Variants in SLC37A3 observed in about 807,000 individuals in gnomAD.
SLC37A3 encodes the protein solute carrier family 37 member 3.
A neutral mutation model predicts 67.1 loss-of-function variants in SLC37A3; 51 were observed. That is an observed-to-expected ratio of 0.76 (90% confidence interval 0.61 to 0.96). The LOEUF is 0.96. SLC37A3 is among the 40% of genes least tolerant of loss of function. The pLI, the probability that SLC37A3 is intolerant of heterozygous loss-of-function variation, is 0.00. For missense variants in SLC37A3, 508 were observed against 603.0 expected (o/e 0.84, Z 1.65); for synonymous variants, 214 against 231.4 (o/e 0.92, Z 0.68).
intron 4 of SLC37A3, among the ~76,000 whole-genome samples, chr7:140,365,320 C>G (rs147115737): frequency 7.6e-4 from 116 of 152,166 alleles, no homozygotes; most frequent in African/African-American, 2.8e-3. Context: ...CTTGGCTGGG[C>G]GTGGTGTCTC....
rs543060638 is a variant in SLC37A3, at chr7:140,386,260, G to A, written c.-70-3664C>T. On this transcript the variant is annotated intron_variant, in intron 1 of 14. Coordinates refer to ENST00000326232, the MANE Select transcript of SLC37A3 (RefSeq NM_207113.3). ...TATTTTTTGTATTTATGTTAAGTCA[G>A]GGTTTTGCCATGTTGTCCAGGCTGG... Among the ~76,000 whole-genome samples the A allele has an allele frequency of 2.2e-3, 341 of 152,054 alleles. 2 individuals are homozygous for A. The highest frequency in any genetic ancestry group is 7.8e-3 in the African/African-American group (322 of 41,484).
intron 1 of SLC37A3, among the ~76,000 whole-genome samples, chr7:140,387,792 T>A (rs1284397437): frequency 1.5e-5 from 1 of 66,940 alleles, no homozygotes; most frequent in Non-Finnish European, 2.5e-5. Flanking sequence ...TATAAATATA[T>A]TATATATATT....
chr7:140,347,246 C>A, intron 10 of SLC37A3, among the ~76,000 whole-genome samples: 1 of 133,960 alleles, frequency 7.5e-6, no homozygotes, highest in African/African-American at 3.2e-5. Context: ...ACCCCCATCT[C>A]CAAAAAAAAA....
chr7:140,378,504 G>A (rs1349008058), intron 3 of SLC37A3, among the ~76,000 whole-genome samples: 5 of 152,076 alleles, frequency 3.3e-5, no homozygotes, highest in African/African-American at 9.7e-5. Flanking sequence ...TTGGGAAGCC[G>A]AGGCAGGAGG....
chr7:140,373,888 G>A (rs1162775210), intron 3 of SLC37A3, among the ~76,000 whole-genome samples: 2 of 151,918 alleles, frequency 1.3e-5, no homozygotes, highest in Admixed American at 6.6e-5. Context: ...CAGACACGAA[G>A]TGATGTGCAA....
intron 1 of SLC37A3, 76 bp downstream of exon 1, chr7:140,398,340 G>A (rs776134901): frequency 6.6e-6 from 1 of 152,108 alleles, no homozygotes. Context: ...CCGCCCTCCC[G>A]ACCCGGGAAG....
At chr7:140,357,910 CAA>C (rs34778426) in intron 6 of SLC37A3, among the ~76,000 whole-genome samples, 101 of 132,440 alleles carry the variant, frequency 7.6e-4, no homozygotes, top group Non-Finnish European at 7.9e-4. Flanking sequence ...AACTCCATCT[CAA>C]AAAAAAAAAA....
rs559591975 is a variant in SLC37A3, at chr7:140,375,006, T to C, written c.198+5276A>G. On this transcript the variant is annotated intron_variant, in intron 3 of 14. Transcript: ENST00000326232. ...ACTAAAAATACAAAAATTAGCCAGGTGTGGTGGCACGCACCTATGGTCCCA... is the reference window on the plus strand; with the variant it reads ...ACTAAAAATACAAAAATTAGCCAGGCGTGGTGGCACGCACCTATGGTCCCA... Among the ~76,000 whole-genome samples the C allele has an allele frequency of 2.7e-5, 4 of 150,410 alleles. 1 individual carries two copies. Among genetic ancestry groups the C allele is most frequent in the African/African-American group, 9.8e-5 (4 of 40,872 alleles).
chr7:140,380,234 G>T, intron 3 of SLC37A3, 48 bp downstream of exon 3: 1 of 1,143,768 alleles, frequency 8.7e-7, no homozygotes, highest in Non-Finnish European at 1.3e-6. Flanking sequence ...ATCTAGGGGT[G>T]GGCACGGTCT....
intron 12 of SLC37A3, among the ~76,000 whole-genome samples, chr7:140,344,415 C>T (rs543588494): frequency 3.3e-5 from 5 of 151,668 alleles, no homozygotes; most frequent in Admixed American, 6.6e-5. Context: ...GTGACAAGAG[C>T]GAGACTCCTT....
chr7:140,343,631 A>T lies in SLC37A3; in HGVS notation c.1175-68T>A, dbSNP rs552732607. 10 of 1,496,762 alleles carry T rather than the reference A, an allele frequency of 6.7e-6. No individual in the cohort carries two copies. In the African/African-American group the frequency reaches 1.4e-4, roughly 21 times the overall value. 92.7% of individuals were successfully genotyped at this position (1,496,762 alleles called of 1,614,324 possible). On this transcript the variant is annotated intron_variant, in intron 12 of 14. Transcript: ENST00000326232. ...CACTAGCAATCTACTGCATAAGGCA[A>T]AATAATATCCGAATAGTTTTCTTAA... is the stretch of plus-strand genomic sequence containing the variant.
rs1443236339 is a variant in SLC37A3 at position 140,387,754 on chromosome 7, TAA to T, written c.-70-5160_-70-5159del. On this transcript the variant is annotated intron_variant, in intron 1 of 14. Coordinates refer to ENST00000326232, the MANE Select transcript of SLC37A3 (RefSeq NM_207113.3). ...AAATATACTATATATTATATAAATATAAATATATTATATATATTATACATAAA... is the reference window on the plus strand; with the variant it reads ...AAATATACTATATATTATATAAATATATATATTATATATATTATACATAAA... Among the ~76,000 whole-genome samples, 299 of 84,054 alleles carry T rather than the reference TAA, an allele frequency of 3.6e-3. 4 individuals carry two copies. The highest frequency in any genetic ancestry group is 0.017 in the East Asian group (46 of 2,702). The allele number at this position is 84,054 out of a possible 152,430, so 55.1% of individuals were successfully genotyped here.
intron 4 of SLC37A3, among the ~76,000 whole-genome samples, chr7:140,369,260 C>T (rs560020163): frequency 2.6e-5 from 4 of 152,248 alleles, no homozygotes; most frequent in African/African-American, 7.2e-5. Flanking sequence ...TATTTTCCTC[C>T]GTTGTACTTA....
intron 6 of SLC37A3, among the ~76,000 whole-genome samples, chr7:140,357,663 T>C (rs957320054): frequency 3.3e-5 from 5 of 151,806 alleles, no homozygotes; most frequent in Non-Finnish European, 5.9e-5. Context: ...ATGCCTGTAA[T>C]CCCAGCACTT....
At chr7:140,350,736 C>A (rs1340777033) in intron 9 of SLC37A3, among the ~76,000 whole-genome samples, 1 of 151,910 alleles carries the variant, frequency 6.6e-6, no homozygotes, top group East Asian at 1.9e-4. Context: ...TGCACTCCAG[C>A]CTGGGTGACA....
At chr7:140,395,326 G>A (rs1212434802) in intron 1 of SLC37A3, among the ~76,000 whole-genome samples, 1 of 135,758 alleles carries the variant, frequency 7.4e-6, no homozygotes, top group Middle Eastern at 4.3e-3. Context: ...AGTGAGCTGA[G>A]ATGGTGCCAC....
At chr7:140,351,575 C>A (rs905945754) in intron 8 of SLC37A3, 124 bp from the exon 9 acceptor site, 1 of 999,108 alleles carries the variant, frequency 1.0e-6, no homozygotes, top group Non-Finnish European at 1.5e-6. Context: ...CAACGAAGGT[C>A]CAGAGACCGA....
At chr7:140,337,845 T>G (rs77054226) in intron 13 of SLC37A3, 7,688 of 152,440 alleles carry the variant, frequency 0.05, 213 homozygotes, top group Non-Finnish European at 0.071. Flanking sequence ...TTTTCTTTTT[T>G]TCTCTTATTA....
intron 6 of SLC37A3, among the ~76,000 whole-genome samples, chr7:140,357,082 C>T (rs899802595): frequency 4.6e-5 from 7 of 151,562 alleles, no homozygotes; most frequent in Admixed American, 1.3e-4. Context: ...GGCATGGTGG[C>T]GGGCCCCTGT....
Sources: gnomAD v4.1 joint callset for allele counts (sites outside exome capture counted in the v4.1 genomes callset) on GRCh38, gnomAD v4.1.1 for gene constraint, MANE v1.5 for transcripts, NCBI Gene and HGNC (gene_info 2026-07-23, HGNC 2026-07-21) for gene names.